The following SDHAF3 variants were observed in gnomAD, a reference collection of about 807,000 sequenced individuals.
SDHAF3 encodes succinate dehydrogenase assembly factor 3, mitochondrial.
In SDHAF3, 18 loss-of-function variants were observed where a neutral mutation model predicts 11.5. The ratio of observed to expected loss-of-function variants is 1.56; its 90% confidence interval spans 1.08 to 2.32. SDHAF3 has a LOEUF of 2.32. Ranked by LOEUF, SDHAF3 falls within the 30% of genes most tolerant of loss-of-function variation. The pLI is 0.00. For missense variants in SDHAF3, 200 were observed against 154.4 expected (o/e 1.30, Z -1.57); for synonymous variants, 72 against 59.3 (o/e 1.21, Z -0.99).
rs529208338 is a variant in SDHAF3, at chr7:97,157,294, T to C, written c.175-23718T>C. ...AGTTAGACTTCTGTACCTGGTATCC[T>C]TGCTGTGACAGTTCCCTTCTATTTC... On this transcript the variant is annotated intron_variant, in intron 1 of 1. Transcript: ENST00000432641. Among the ~76,000 whole-genome samples the C allele has an allele frequency of 7.9e-5, 12 of 152,208 alleles. No individual in the cohort carries two copies. The South Asian group carries it at 2.1e-3, about 26-fold the overall frequency.
intron 1 of SDHAF3, among the ~76,000 whole-genome samples, chr7:97,125,420 A>C (rs540050079): frequency 6.6e-6 from 1 of 152,228 alleles, no homozygotes; most frequent in East Asian, 1.9e-4. Context: ...ATTCTGGTAC[A>C]TTGTCTCTTT....
intron 1 of SDHAF3, among the ~76,000 whole-genome samples, chr7:97,140,707 C>T (rs992969446): frequency 7.9e-4 from 120 of 152,172 alleles, no homozygotes; most frequent in African/African-American, 2.8e-3. Context: ...CAATGCCTGT[C>T]TTTAATTTCT....
chr7:97,176,858 C>A (rs189242087), intron 1 of SDHAF3, among the ~76,000 whole-genome samples: 81 of 152,110 alleles, frequency 5.3e-4, no homozygotes, highest in African/African-American at 1.9e-3. Context: ...TATGTATTCA[C>A]CACTCAGATT....
At chr7:97,130,370 A>G (rs1470633661) in intron 1 of SDHAF3, among the ~76,000 whole-genome samples, 2 of 152,074 alleles carry the variant, frequency 1.3e-5, no homozygotes, top group Non-Finnish European at 2.9e-5. Flanking sequence ...TAAACAAGAC[A>G]GCTTATTTCT....
At chr7:97,157,959 T>A (rs1789329506) in intron 1 of SDHAF3, among the ~76,000 whole-genome samples, 1 of 107,966 alleles carries the variant, frequency 9.3e-6, no homozygotes. Flanking sequence ...CACTGGGGCC[T>A]GTTGTGGGGT....
Position 97,134,863 on chromosome 7 carries a change from T to G in SDHAF3, c.174+16966T>G, listed in dbSNP as rs1341725766. Among the ~76,000 whole-genome samples, 2 of 152,318 alleles carry G rather than the reference T, an allele frequency of 1.3e-5. 1 individual carries two copies. Among genetic ancestry groups the G allele is most frequent in the Non-Finnish European group, 2.9e-5 (2 of 68,026 alleles). ...CATACTTAAGATTTTCAGAACACTT[T>G]TAGAGAAACTGACATGTGATCATAT... On this transcript the variant is annotated intron_variant, in intron 1 of 1. Transcript: ENST00000432641.
chr7:97,119,994 CGTG>C (rs1476135344), intron 1 of SDHAF3, among the ~76,000 whole-genome samples: 1 of 152,144 alleles, frequency 6.6e-6, no homozygotes, highest in African/African-American at 2.4e-5. Flanking sequence ...TAATAATCCA[CGTG>C]GTGTCTCTAC....
rs182041812 is a variant in SDHAF3, at chr7:97,174,680, T to C, written c.175-6332T>C. ...TTGAACTTTATCTGATGTTTTCTTATGATTAGATTGAGGTTGTGCATTATT... is the reference window on the plus strand; with the variant it reads ...TTGAACTTTATCTGATGTTTTCTTACGATTAGATTGAGGTTGTGCATTATT... On this transcript the variant is annotated intron_variant, in intron 1 of 1. Transcript: ENST00000432641. 3.3e-5 allele frequency among the ~76,000 whole-genome samples: 5 copies of C among 152,350 alleles called. No individual in the cohort carries two copies. The East Asian group carries it at 9.6e-4, about 29-fold the overall frequency.
At chr7:97,134,799 G>T (rs1791723746) in intron 1 of SDHAF3, among the ~76,000 whole-genome samples, 1 of 152,148 alleles carries the variant, frequency 6.6e-6, no homozygotes, top group Non-Finnish European at 1.5e-5. Flanking sequence ...GTTTGATACA[G>T]TTTCTGGGTG....
At chr7:97,163,542 T>G (rs1165690714) in intron 1 of SDHAF3, among the ~76,000 whole-genome samples, 1 of 152,202 alleles carries the variant, frequency 6.6e-6, no homozygotes, top group Non-Finnish European at 1.5e-5. Flanking sequence ...AGCTTATGTG[T>G]GTCCTTGCAC....
intron 1 of SDHAF3, among the ~76,000 whole-genome samples, chr7:97,162,841 A>AG (rs1291490828): frequency 1.3e-5 from 2 of 152,074 alleles, no homozygotes; most frequent in African/African-American, 4.8e-5. Flanking sequence ...AATTGCGATG[A>AG]GGTGCTGTGA....
At chr7:97,163,903 A>G (rs975875505) in intron 1 of SDHAF3, among the ~76,000 whole-genome samples, 3 of 151,510 alleles carry the variant, frequency 2.0e-5, no homozygotes, top group African/African-American at 7.3e-5. Flanking sequence ...TTTCTCCTCC[A>G]CTTACGAAGT....
At chr7:97,157,114 T>C (rs1789314442) in intron 1 of SDHAF3, among the ~76,000 whole-genome samples, 1 of 152,192 alleles carries the variant, frequency 6.6e-6, no homozygotes, top group African/African-American at 2.4e-5. Flanking sequence ...CTTACCCTAG[T>C]GGATTGCCTT....
At chr7:97,127,674 C>T (rs956888624) in intron 1 of SDHAF3, among the ~76,000 whole-genome samples, 1 of 152,018 alleles carries the variant, frequency 6.6e-6, no homozygotes, top group Non-Finnish European at 1.5e-5. Flanking sequence ...CATTTTGTTA[C>T]TCTTGAACAT....
At position 97,117,904 on chromosome 7, in the gene SDHAF3, G is replaced by T. The variant is rs1791429542; in HGVS notation, c.174+7G>T. 1 of 1,613,574 alleles carries T rather than the reference G, an allele frequency of 6.2e-7. No individual in the cohort carries two copies. The highest frequency in any genetic ancestry group is 1.3e-5 in the African/African-American group (1 of 74,948). ...TTTCTTGCAAGAATGGGAGGCAAGT[G>T]ACGCTCCCTTCTCTTTGCCCAAGAC... On this transcript the variant is annotated splice_region_variant and intron_variant, in intron 1 of 1. Transcript: ENST00000432641.
chr7:97,153,312 C>T (rs1297701213), intron 1 of SDHAF3, among the ~76,000 whole-genome samples: 1 of 152,214 alleles, frequency 6.6e-6, no homozygotes, highest in Non-Finnish European at 1.5e-5. Context: ...GTAGCCTTTT[C>T]AAATTGGCTT....
At chr7:97,167,778 C>T (rs963250173) in intron 1 of SDHAF3, among the ~76,000 whole-genome samples, 1 of 152,150 alleles carries the variant, frequency 6.6e-6, no homozygotes, top group Admixed American at 6.5e-5. Flanking sequence ...GTTTATCGAT[C>T]TGGGTGGTGC....
At chr7:97,173,380 C>T (rs1012659045) in intron 1 of SDHAF3, among the ~76,000 whole-genome samples, 1 of 152,032 alleles carries the variant, frequency 6.6e-6, no homozygotes, top group Admixed American at 6.6e-5. Flanking sequence ...ACCTATCACT[C>T]GACTTCAACA....
At chr7:97,145,057 T>G (rs1584219633) in intron 1 of SDHAF3, among the ~76,000 whole-genome samples, 1 of 151,984 alleles carries the variant, frequency 6.6e-6, no homozygotes, top group South Asian at 2.1e-4. Context: ...TTTGTTTTTT[T>G]TTTTTTGCAG....
Sources: gnomAD v4.1 joint callset for allele counts (sites outside exome capture counted in the v4.1 genomes callset) on GRCh38, gnomAD v4.1.1 for gene constraint, MANE v1.5 for transcripts, NCBI Gene and HGNC (gene_info 2026-07-23, HGNC 2026-07-21) for gene names.